ZSCAN23: variants seen among roughly 807,000 people sequenced by gnomAD.
ZSCAN23 encodes the protein zinc finger and SCAN domain-containing protein 23.
In ZSCAN23, 19 loss-of-function variants were observed where a neutral mutation model predicts 19.3. The observed-to-expected ratio is 0.99, with a 90% CI of 0.69 to 1.45. The LOEUF (loss-of-function observed/expected upper bound fraction) is 1.45, where lower values mean the gene tolerates loss of function less well. Ranked by LOEUF, ZSCAN23 falls within the 40% of genes most tolerant of loss-of-function variation. The pLI, the probability that ZSCAN23 is intolerant of heterozygous loss-of-function variation, is 0.00. For missense variants in ZSCAN23, 372 were observed against 462.5 expected, an observed-to-expected ratio of 0.80 and a Z score of 1.79; for synonymous variants, 140 against 166.2, an observed-to-expected ratio of 0.84 and a Z score of 1.21.
chr6:28,428,250 A>C (rs1020377479), downstream of ZSCAN23, among the ~76,000 whole-genome samples: 5 of 152,194 alleles, frequency 3.3e-5, no homozygotes, highest in African/African-American at 1.2e-4. Context: ...GTGGTGCATT[A>C]GACCTTTTCA....
In ZSCAN23 at chr6:28,435,597, T is replaced by C; in HGVS notation, c.419A>G (p.His140Arg). 3 of 1,551,508 alleles carry C rather than the reference T, an allele frequency of 1.9e-6. No homozygotes were observed. The highest frequency in any genetic ancestry group is 2.6e-6 in the Non-Finnish European group (3 of 1,146,928). ...TACAAACTCTTCCTGTTCATGAGCA[T>C]GGCTCAGGACCTGGTGGAAATCAAG... The part of the protein sequence containing the change: ...LDDPGEQVLS[H>R]AHEQEEFVKE... Residue 140 changes from histidine to arginine, a missense_variant, in exon 3 of 4, where the codon CAT becomes CGT. By Grantham distance (29) the His-to-Arg change is conservative. Transcript: ENST00000289788.
the ZSCAN23 span, among the ~76,000 whole-genome samples, chr6:28,425,180 G>A: frequency 6.6e-6 from 1 of 152,148 alleles, no homozygotes; most frequent in African/African-American, 2.4e-5. Context: ...TATTTCGAAA[G>A]GAATCTTTTT....
At position 28,434,615 on chromosome 6, in the gene ZSCAN23, C is replaced by T; in HGVS notation, c.1020G>A (p.Lys340=). The T allele has an allele frequency of 6.4e-7, 1 of 1,557,722 alleles. No homozygotes were observed. The highest frequency in any genetic ancestry group is 1.2e-5 in the South Asian group (1 of 84,644). ...TGAGGACTGAACGTCGACTAAAACT[C>T]TTATTGCACTGATTGCACTGGTAAG... ...EKPYQCNQCN[K]SFSRRSVLIK... The change falls in exon 4 of 4, where the codon AAG becomes AAA. Residue 340 remains lysine (K), a synonymous_variant. Coordinates refer to ENST00000289788, the MANE Select transcript of ZSCAN23 (RefSeq NM_001012455.2).
At chr6:28,423,948 G>A in the ZSCAN23 span, among the ~76,000 whole-genome samples, 1 of 152,164 alleles carries the variant, frequency 6.6e-6, no homozygotes, top group African/African-American at 2.4e-5. Context: ...TACTTCAAGA[G>A]TGAAGAATAA....
rs201000376 is a variant in ZSCAN23 at position 28,434,895 on chromosome 6, C to T, written c.740G>A (p.Arg247Lys). 81 of 1,554,108 alleles carry T rather than the reference C, an allele frequency of 5.2e-5. No homozygotes were observed. The highest frequency in any genetic ancestry group is 6.0e-5 in the Non-Finnish European group (69 of 1,148,452). ...TCCACATTCACTACAGATATAGGGT[C>T]TCTCCACTGAAGAGCTCACCCTTTG... is the stretch of plus-strand genomic sequence containing the variant. ...EKQRVSSSVE[R>K]PYICSECGKS... Residue 247 changes from arginine to lysine, a missense_variant, in exon 4 of 4, where the codon AGA becomes AAA. Transcript: ENST00000289788.
At chr6:28,428,093 T>A (rs755074838), downstream of ZSCAN23, among the ~76,000 whole-genome samples, 3 of 152,134 alleles carry the variant, frequency 2.0e-5, no homozygotes, top group Non-Finnish European at 4.4e-5. Flanking sequence ...ATGTTTAGTA[T>A]CCTAAATTGA....
downstream of ZSCAN23, among the ~76,000 whole-genome samples, chr6:28,429,801 C>T (rs559523393): frequency 6.6e-6 from 1 of 152,304 alleles, no homozygotes; most frequent in African/African-American, 2.4e-5. Flanking sequence ...CTCCGAGTAC[C>T]GTTATCTCTG....
chr6:28,436,239 C>T lies in ZSCAN23; in HGVS notation c.28G>A (p.Ala10Thr). ...GCCAGAAGTCCTTCCTGCATCTCTGCAGTCTGAAGGGTCAAGGTTATGGCC... is the reference window on the plus strand; with the variant it reads ...GCCAGAAGTCCTTCCTGCATCTCTGTAGTCTGAAGGGTCAAGGTTATGGCC... Reference protein sequence around the residue: MAITLTLQTAEMQEGLLAVK... With the variant: MAITLTLQTTEMQEGLLAVK... Residue 10 changes from alanine (A) to threonine (T), a missense_variant, in exon 2 of 4, where the codon GCA (alanine) becomes ACA (threonine). Transcript: ENST00000289788. The T allele has an allele frequency of 1.3e-6, 2 of 1,551,202 alleles. No homozygotes were observed. The highest frequency in any genetic ancestry group is 1.7e-6 in the Non-Finnish European group (2 of 1,146,680).
chr6:28,434,732 C>T lies in ZSCAN23; in HGVS notation c.903G>A (p.Gly301=), dbSNP rs1306510104. The T allele has an allele frequency of 1.9e-6, 3 of 1,600,856 alleles. No homozygotes were observed. The highest frequency in any genetic ancestry group is 2.6e-6 in the Non-Finnish European group (3 of 1,173,504). ...AAACACTGCACTGGTAGCGCTTCTC[C>T]CCAGTGTGGAGTCTCTGGTGCTGGA... ...GLFQHQRLHT[G]EKRYQCSVCG... Residue 301 remains glycine (G), a synonymous_variant, in exon 4 of 4, where the codon GGG becomes GGA. Transcript: ENST00000289788.
intron 3 of ZSCAN23, 100 bp downstream of exon 3, chr6:28,435,360 T>C: frequency 7.0e-7 from 1 of 1,425,364 alleles, no homozygotes; most frequent in South Asian, 1.4e-5. Context: ...CCCTGGTACC[T>C]GGCACAGTGC....
Position 28,435,963 on chromosome 6 carries a change from C to G in ZSCAN23, c.304G>C (p.Glu102Gln). The change falls in exon 2 of 4, where the codon GAG becomes CAG. Residue 102 changes from glutamate (E) to glutamine (Q), a missense_variant. Coordinates refer to ENST00000289788, the MANE Select transcript of ZSCAN23 (RefSeq NM_001012455.2). ...VLEQFLTILP[E>Q]ELQAWVRQHR... ...TGTCTGACCCAGGCCTGGAGCTCCT[C>G]AGGCAGGATAGTCAGGAACTGCTCC... The G allele has an allele frequency of 6.2e-7, 1 of 1,614,210 alleles. No homozygotes were observed. Among genetic ancestry groups the G allele is most frequent in the Non-Finnish European group, 8.5e-7 (1 of 1,180,038 alleles).
chr6:28,431,006 G>T (rs1329310576), downstream of ZSCAN23, among the ~76,000 whole-genome samples: 2 of 151,962 alleles, frequency 1.3e-5, no homozygotes, highest in African/African-American at 4.8e-5. Flanking sequence ...TGTGCTTCCA[G>T]GATGTTGTCC....
rs1336842832 is a variant in ZSCAN23, at chr6:28,435,462, A to T, written c.554T>A (p.Ile185Asn). Residue 185 changes from isoleucine (I) to asparagine (N), a missense_variant and splice_region_variant, in exon 3 of 4, where the codon ATT becomes AAT. Coordinates refer to ENST00000289788, the MANE Select transcript of ZSCAN23 (RefSeq NM_001012455.2). ...NLREVCPVQEIDGKAGTWNVE... is the reference protein window; with the variant it reads ...NLREVCPVQENDGKAGTWNVE... ...TCTGAGGAAATCCTGATCCTCACCA[A>T]TCTCTTGAACTGGGCACACCTCTCG... is the stretch of plus-strand genomic sequence containing the variant. The T allele has an allele frequency of 1.3e-6, 2 of 1,550,646 alleles. No individual in the cohort carries two copies. The highest frequency in any genetic ancestry group is 2.7e-5 in the African/African-American group (2 of 72,946).
chr6:28,438,452 T>C (rs2114038324), intron 1 of ZSCAN23, among the ~76,000 whole-genome samples: 1 of 152,340 alleles, frequency 6.6e-6, no homozygotes, highest in African/African-American at 2.4e-5. Flanking sequence ...TAACTAAGAA[T>C]AGGGTATTTT....
chr6:28,432,716 C>T lies in ZSCAN23; in HGVS notation c.*1749G>A, dbSNP rs1761784200. Reference sequence around the variant, plus strand: ...AGTTTGTTAAACTATGGAGTATGAACAAATAAAATTCTATTCACTTATAAA... The same window carrying T: ...AGTTTGTTAAACTATGGAGTATGAATAAATAAAATTCTATTCACTTATAAA... On this transcript the variant is annotated 3_prime_UTR_variant, in exon 4 of 4. Coordinates refer to ENST00000289788, the MANE Select transcript of ZSCAN23 (RefSeq NM_001012455.2). 1.3e-5 allele frequency: 2 copies of T among 151,976 alleles called. No individual in the cohort carries two copies. Among genetic ancestry groups the T allele is most frequent in the Admixed American group, 6.6e-5 (1 of 15,266 alleles). The allele number at this position is 151,976 out of a possible 1,614,324, so 9.4% of individuals were successfully genotyped here.
downstream of ZSCAN23, among the ~76,000 whole-genome samples, chr6:28,430,542 A>G (rs1761743094): frequency 6.6e-6 from 1 of 152,192 alleles, no homozygotes; most frequent in Admixed American, 6.5e-5. Flanking sequence ...CTGTTTAAAT[A>G]AATCAGGTCC....
chr6:28,429,670 G>A (rs1761720376), downstream of ZSCAN23, among the ~76,000 whole-genome samples: 1 of 152,062 alleles, frequency 6.6e-6, no homozygotes, highest in African/African-American at 2.4e-5. Context: ...GCTTTGTTCA[G>A]TTCTCTGTAT....
At position 28,435,448 on chromosome 6, in the gene ZSCAN23, C is replaced by T. The variant is rs2071965; in HGVS notation, c.556+12G>A. On this transcript the variant is annotated intron_variant, in intron 3 of 3. Transcript: ENST00000289788. ...AATGAGGTAGGCTGTCTGAGGAAAT[C>T]CTGATCCTCACCAATCTCTTGAACT... 497,964 of 1,549,126 alleles carry T rather than the reference C, an allele frequency of 0.32. 82,627 individuals are homozygous for T. The highest frequency in any genetic ancestry group is 0.49 in the African/African-American group (35,814 of 72,914).
At position 28,435,453 on chromosome 6, in the gene ZSCAN23, T is replaced by G. The variant is rs1439583819; in HGVS notation, c.556+7A>C. ...GGTAGGCTGTCTGAGGAAATCCTGA[T>G]CCTCACCAATCTCTTGAACTGGGCA... is the stretch of plus-strand genomic sequence containing the variant. On this transcript the variant is annotated splice_region_variant and intron_variant, in intron 3 of 3. Coordinates refer to ENST00000289788, the MANE Select transcript of ZSCAN23 (RefSeq NM_001012455.2). The G allele has an allele frequency of 5.2e-6, 8 of 1,550,096 alleles. No individual in the cohort carries two copies. The highest frequency in any genetic ancestry group is 7.0e-6 in the Non-Finnish European group (8 of 1,146,520).
Sources: gnomAD v4.1 joint callset for allele counts (sites outside exome capture counted in the v4.1 genomes callset) on GRCh38, gnomAD v4.1.1 for gene constraint, MANE v1.5 for transcripts, NCBI Gene and HGNC (gene_info 2026-07-23, HGNC 2026-07-21) for gene names.